The following HAUS8 variants were observed in gnomAD, a reference collection of about 807,000 sequenced individuals.
The protein encoded by HAUS8 is HAUS augmin like complex subunit 8.
A neutral mutation model predicts 42.9 loss-of-function variants in HAUS8; 38 were observed. The observed-to-expected ratio is 0.89, with a 90% CI of 0.68 to 1.16. The LOEUF is 1.16. HAUS8 is among the 50% of genes most tolerant of loss of function. HAUS8 has a pLI of 0.00. For missense variants in HAUS8, 494 were observed against 511.6 expected, an observed-to-expected ratio of 0.97 and a Z score of 0.33; for synonymous variants, 199 against 205.8, an observed-to-expected ratio of 0.97 and a Z score of 0.28.
intron 10 of HAUS8, 74 bp downstream of exon 10, chr19:17,052,751 C>T (rs1368159487): frequency 2.6e-6 from 4 of 1,553,354 alleles, no homozygotes; most frequent in Non-Finnish European, 3.5e-6. Flanking sequence ...CTCGGCACCA[C>T]CCCAACAGTG....
chr19:17,068,152 C>T (rs1014006484), intron 3 of HAUS8, among the ~76,000 whole-genome samples: 2 of 126,114 alleles, frequency 1.6e-5, no homozygotes, highest in Non-Finnish European at 3.1e-5. Flanking sequence ...CTCGCTCTGT[C>T]GCCAAGGCTG....
intron 3 of HAUS8, among the ~76,000 whole-genome samples, chr19:17,067,179 T>C (rs1599987437): frequency 7.7e-6 from 1 of 129,954 alleles, no homozygotes; most frequent in Non-Finnish European, 1.5e-5. Flanking sequence ...CACTCCAGCC[T>C]GGGCAACAGA....
At position 17,058,630 on chromosome 19, in the gene HAUS8, T is replaced by C. The variant is rs1243116310; in HGVS notation, c.564A>G (p.Leu188=). Reference sequence around the variant, plus strand: ...GCTTCAGCTCGTGGGCCTTTTTCTGTAGCTTCTCCTTCTCCTTACACATTA... The same window carrying C: ...GCTTCAGCTCGTGGGCCTTTTTCTGCAGCTTCTCCTTCTCCTTACACATTA... ...LLIMCKEKEK[L]QKKAHELKRR... The change falls in exon 8 of 11, where the codon CTA becomes CTG. Residue 188 remains leucine, a synonymous_variant. Coordinates refer to ENST00000253669, the MANE Select transcript of HAUS8 (RefSeq NM_033417.2). 3 of 1,613,736 alleles carry C rather than the reference T, an allele frequency of 1.9e-6. No homozygotes were observed. The highest frequency in any genetic ancestry group is 2.7e-5 in the African/African-American group (2 of 74,902).
chr19:17,059,441 G>C, intron 6 of HAUS8, 116 bp downstream of exon 6: 1 of 700,578 alleles, frequency 1.4e-6, no homozygotes, highest in Non-Finnish European at 2.5e-6. Context: ...GTCCTAAAGG[G>C]CATGGGTGTC....
intron 2 of HAUS8, among the ~76,000 whole-genome samples, chr19:17,071,756 G>A (rs2057425679): frequency 6.6e-6 from 1 of 152,088 alleles, no homozygotes; most frequent in South Asian, 2.1e-4. Context: ...CAGCACTTTG[G>A]GAGGCCGAGG....
Position 17,055,848 on chromosome 19 carries a change from C to T in HAUS8, c.787+13G>A. ...CGCCTGCTGCACACGCACTGGGACG[C>T]CCCGTTTCCTACCTAAGAGCTGCTG... On this transcript the variant is annotated intron_variant, in intron 9 of 10. Transcript: ENST00000253669. 1.2e-6 allele frequency: 2 copies of T among 1,611,420 alleles called. No individual in the cohort carries two copies. Among genetic ancestry groups the T allele is most frequent in the Non-Finnish European group, 1.7e-6 (2 of 1,179,030 alleles).
At chr19:17,075,002 T>C (rs1419951276) in intron 1 of HAUS8, 3 of 240,688 alleles carry the variant, frequency 1.2e-5, no homozygotes, top group South Asian at 1.4e-4. Context: ...CAACACTTGT[T>C]CACTGCATAA....
intron 8 of HAUS8, among the ~76,000 whole-genome samples, chr19:17,057,832 T>C (rs1021404140): frequency 1.3e-5 from 2 of 151,934 alleles, no homozygotes; most frequent in Non-Finnish European, 2.9e-5. Context: ...ATAGGGGGGT[T>C]GTAGGGGGGA....
chr19:17,061,384 G>A (rs1389413153), intron 4 of HAUS8, among the ~76,000 whole-genome samples: 1 of 152,090 alleles, frequency 6.6e-6, no homozygotes, highest in African/African-American at 2.4e-5. Context: ...GGATCTACCG[G>A]CTTCATCCTT....
chr19:17,051,606 A>G (rs2057287813), intron 10 of HAUS8: 1 of 150,324 alleles, frequency 6.7e-6, no homozygotes, highest in African/African-American at 2.4e-5. Flanking sequence ...TACTCTGAGG[A>G]TGTGAATGAT....
chr19:17,050,302 G>T, intron 10 of HAUS8, 126 bp from the exon 11 acceptor site: 3 of 555,534 alleles, frequency 5.4e-6, no homozygotes, highest in South Asian at 5.0e-5. Flanking sequence ...AGTGGGAAAG[G>T]GCCAGCAAAT....
intron 3 of HAUS8, 72 bp from the exon 4 acceptor site, chr19:17,062,851 T>C (rs2057369134): frequency 1.8e-6 from 2 of 1,117,736 alleles, no homozygotes; most frequent in Non-Finnish European, 2.7e-6. Context: ...TGATGCGGTC[T>C]GCACTGTGTT....
chr19:17,056,281 A>AAC (rs1242142597), intron 8 of HAUS8, among the ~76,000 whole-genome samples: 4 of 152,122 alleles, frequency 2.6e-5, no homozygotes, highest in African/African-American at 9.7e-5. Context: ...ACTGCGCCTA[A>AAC]ACGCCTGCCT....
intron 3 of HAUS8, among the ~76,000 whole-genome samples, chr19:17,063,272 G>A (rs2057371258): frequency 6.6e-6 from 1 of 152,180 alleles, no homozygotes; most frequent in Admixed American, 6.5e-5. Flanking sequence ...TGAGTTGGGA[G>A]GATCGCTCGG....
chr19:17,058,992 C>T (rs1339975154), intron 6 of HAUS8, 116 bp from the exon 7 acceptor site: 26 of 790,324 alleles, frequency 3.3e-5, no homozygotes, highest in Non-Finnish European at 4.2e-5. Context: ...GTTTGATATT[C>T]GGTAGTTCTC....
chr19:17,060,225 TA>T (rs35562523), intron 4 of HAUS8, 133 bp from the exon 5 acceptor site: 82,036 of 274,820 alleles, frequency 0.3, 9,477 homozygotes, highest in Admixed American at 0.4. Context: ...GTGGAAAGGC[TA>T]AAAAAAAAAA....
intron 3 of HAUS8, 67 bp downstream of exon 3, chr19:17,068,964 T>G: frequency 6.9e-7 from 1 of 1,449,412 alleles, no homozygotes; most frequent in Non-Finnish European, 9.6e-7. Context: ...CATGACTAGT[T>G]TCGGAATTCC....
At chr19:17,074,588 T>G (rs1443827851) in intron 1 of HAUS8, 1 of 152,426 alleles carries the variant, frequency 6.6e-6, no homozygotes, top group Non-Finnish European at 1.5e-5. Flanking sequence ...GGGACTGTGC[T>G]AGGGCTGTGG....
intron 2 of HAUS8, among the ~76,000 whole-genome samples, chr19:17,069,910 C>T (rs1032801852): frequency 3.3e-5 from 5 of 152,192 alleles, no homozygotes; most frequent in Middle Eastern, 3.4e-3. Flanking sequence ...TGCATTCCCC[C>T]GGCCCTGTGA....
Sources: allele counts gnomAD v4.1 joint callset (sites outside exome capture counted in the v4.1 genomes callset), GRCh38; gene constraint gnomAD v4.1.1; transcripts MANE v1.5; gene names NCBI Gene and HGNC (gene_info 2026-07-23, HGNC 2026-07-21).